The following CCDC178 variants were observed in gnomAD, a reference collection of about 807,000 sequenced individuals.
CCDC178 encodes coiled-coil domain containing 178, also known as coiled-coil domain-containing protein 178.
In CCDC178, 126 loss-of-function variants were observed where a neutral mutation model predicts 117.4. The ratio of observed to expected loss-of-function variants is 1.07; its 90% confidence interval spans 0.93 to 1.24. The LOEUF is 1.24. Ranked by LOEUF, CCDC178 falls within the 50% of genes most tolerant of loss-of-function variation. The pLI is 0.00. For missense variants in CCDC178, 1,030 were observed against 986.9 expected, an observed-to-expected ratio of 1.04 and a Z score of -0.59; for synonymous variants, 283 against 313.4, an observed-to-expected ratio of 0.90 and a Z score of 1.02.
intron 20 of CCDC178, among the ~76,000 whole-genome samples, chr18:33,127,015 TACAC>T (rs199745115): frequency 0.028 from 4,043 of 142,124 alleles, 80 homozygotes; most frequent in East Asian, 0.091. Context: ...TATATATATA[TACAC>T]ACACACACAC....
chr18:33,408,866 C>A (rs2063816063), intron 3 of CCDC178, among the ~76,000 whole-genome samples: 1 of 152,056 alleles, frequency 6.6e-6, no homozygotes, highest in Non-Finnish European at 1.5e-5. Flanking sequence ...ATACTGCCTG[C>A]AAAGCCAAAA....
intron 9 of CCDC178, among the ~76,000 whole-genome samples, chr18:33,342,431 T>A (rs1037889987): frequency 1.3e-5 from 2 of 152,218 alleles, no homozygotes; most frequent in Non-Finnish European, 2.9e-5. Context: ...TAATTTCTTA[T>A]CATATAGATT....
At chr18:33,254,457 T>C (rs1021007930) in intron 14 of CCDC178, among the ~76,000 whole-genome samples, 1 of 151,984 alleles carries the variant, frequency 6.6e-6, no homozygotes, top group African/African-American at 2.4e-5. Flanking sequence ...ATTGATTATA[T>C]GTCAACAGCT....
chr18:33,036,056 C>T (rs2056438464), intron 21 of CCDC178, among the ~76,000 whole-genome samples: 1 of 151,646 alleles, frequency 6.6e-6, no homozygotes, highest in Non-Finnish European at 1.5e-5. Context: ...TATATTTATG[C>T]CCAATTCACT....
chr18:32,940,776 C>T (rs1451583371), intron 22 of CCDC178, among the ~76,000 whole-genome samples: 2 of 151,906 alleles, frequency 1.3e-5, no homozygotes, highest in Non-Finnish European at 2.9e-5. Flanking sequence ...GTTTATAGGA[C>T]TATAAAAGAA....
At chr18:33,276,337 C>T (rs1432570506) in intron 12 of CCDC178, among the ~76,000 whole-genome samples, 1 of 152,042 alleles carries the variant, frequency 6.6e-6, no homozygotes, top group Admixed American at 6.6e-5. Flanking sequence ...AGTGGTTCCA[C>T]ATCTGAAGTA....
chr18:33,056,280 T>A (rs908309282), intron 21 of CCDC178, among the ~76,000 whole-genome samples: 1 of 152,196 alleles, frequency 6.6e-6, no homozygotes, highest in African/African-American at 2.4e-5. Flanking sequence ...AGCAAACATC[T>A]ATTGACTATC....
At chr18:33,373,127 C>T (rs1210271534) in intron 5 of CCDC178, among the ~76,000 whole-genome samples, 1 of 152,124 alleles carries the variant, frequency 6.6e-6, no homozygotes, top group Non-Finnish European at 1.5e-5. Flanking sequence ...ATCTCTTTAG[C>T]TTTTGTTATA....
intron 22 of CCDC178, among the ~76,000 whole-genome samples, chr18:32,941,097 T>G (rs996772456): frequency 1.3e-5 from 2 of 151,948 alleles, no homozygotes; most frequent in African/African-American, 4.8e-5. Flanking sequence ...TTTTTAATTC[T>G]GAAAGACGCT....
chr18:33,229,541 T>C (rs73421453), intron 15 of CCDC178, among the ~76,000 whole-genome samples: 89 of 152,260 alleles, frequency 5.8e-4, no homozygotes, highest in African/African-American at 2.0e-3. Flanking sequence ...CTTTTGCACA[T>C]AGGAAAACTG....
intron 21 of CCDC178, among the ~76,000 whole-genome samples, chr18:32,988,846 A>G (rs975960895): frequency 1.4e-4 from 21 of 152,086 alleles, no homozygotes; most frequent in Non-Finnish European, 1.9e-4. Flanking sequence ...ACTATGAGTA[A>G]TTTTATGTAG....
At chr18:32,987,404 C>CAT (rs749851542) in intron 21 of CCDC178, among the ~76,000 whole-genome samples, 75 of 151,420 alleles carry the variant, frequency 5.0e-4, no homozygotes, top group African/African-American at 1.6e-3. Flanking sequence ...TACTCATATC[C>CAT]ATATATATAT....
chr18:33,370,742 T>C (rs200494723), intron 5 of CCDC178, among the ~76,000 whole-genome samples: 4 of 152,090 alleles, frequency 2.6e-5, no homozygotes, highest in South Asian at 2.1e-4. Context: ...TTTCTGAAAA[T>C]TGGAGTCTCA....
At chr18:33,278,987 C>A (rs917488420) in intron 12 of CCDC178, among the ~76,000 whole-genome samples, 1 of 152,116 alleles carries the variant, frequency 6.6e-6, no homozygotes, top group African/African-American at 2.4e-5. Flanking sequence ...GACAAACCCA[C>A]AGCCAATATC....
intron 20 of CCDC178, among the ~76,000 whole-genome samples, chr18:33,168,227 T>C (rs2058556661): frequency 6.6e-6 from 1 of 152,218 alleles, no homozygotes; most frequent in Non-Finnish European, 1.5e-5. Flanking sequence ...GTTTTAGATT[T>C]AAGTCTTTAA....
intron 21 of CCDC178, among the ~76,000 whole-genome samples, chr18:33,092,059 G>A (rs1342906907): frequency 6.6e-6 from 1 of 151,980 alleles, no homozygotes; most frequent in African/African-American, 2.4e-5. Context: ...TGGTTTTCAT[G>A]GTTAGGTTAA....
chr18:33,341,627 A>G (rs1250459714), intron 9 of CCDC178, among the ~76,000 whole-genome samples: 1 of 152,182 alleles, frequency 6.6e-6, no homozygotes, highest in Non-Finnish European at 1.5e-5. Flanking sequence ...ATGTTAGTGA[A>G]TAAGTCTCAT....
intron 9 of CCDC178, among the ~76,000 whole-genome samples, chr18:33,341,048 A>G (rs1301948642): frequency 1.3e-5 from 2 of 152,156 alleles, no homozygotes; most frequent in Non-Finnish European, 2.9e-5. Flanking sequence ...AGCCCATGAA[A>G]GCAGTCATGA....
chr18:32,950,907 C>T (rs2054468060), intron 22 of CCDC178, among the ~76,000 whole-genome samples: 1 of 152,104 alleles, frequency 6.6e-6, no homozygotes, highest in African/African-American at 2.4e-5. Context: ...AATACCTTCC[C>T]CATAATTTCA....
Sources: allele counts gnomAD v4.1 joint callset (sites outside exome capture counted in the v4.1 genomes callset), GRCh38; gene constraint gnomAD v4.1.1; transcripts MANE v1.5; gene names NCBI Gene and HGNC (gene_info 2026-07-23, HGNC 2026-07-21).